PRKG1: variants seen among roughly 807,000 people sequenced by gnomAD.
The protein encoded by PRKG1 is cGMP-dependent protein kinase 1.
PRKG1 carries 35 observed loss-of-function variants against 88.1 expected under a neutral mutation model. That is an observed-to-expected ratio of 0.40 (90% CI 0.30 to 0.53). The LOEUF (loss-of-function observed/expected upper bound fraction) is 0.53. Among genes scored for constraint, PRKG1 ranks in the 20% least tolerant of loss-of-function variants. The probability of loss-of-function intolerance (pLI) is 0.59; values close to 1 mark genes in which losing one functional copy is unlikely to be tolerated. For missense variants in PRKG1, 540 were observed against 839.8 expected (o/e 0.64, Z 4.41); for synonymous variants, 303 against 292.5 (o/e 1.04, Z -0.37).
At chr10:51,273,442 G>A (rs543968070) in intron 2 of PRKG1, among the ~76,000 whole-genome samples, 1 of 152,074 alleles carries the variant, frequency 6.6e-6, no homozygotes, top group African/African-American at 2.4e-5. Flanking sequence ...GAGGATCGCT[G>A]GAGTCCAGGA....
At chr10:51,253,485 A>C (rs16915901) in intron 2 of PRKG1, among the ~76,000 whole-genome samples, 24 of 151,998 alleles carry the variant, frequency 1.6e-4, no homozygotes, top group African/African-American at 5.3e-4. Context: ...CAAGGTATCC[A>C]GTCTGATTTT....
At chr10:52,010,569 C>T (rs1344923968) in intron 5 of PRKG1, among the ~76,000 whole-genome samples, 3 of 152,056 alleles carry the variant, frequency 2.0e-5, no homozygotes, top group African/African-American at 7.2e-5. Context: ...TCATGTAATA[C>T]ACCCATGTAA....
chr10:51,714,057 G>A (rs1273294474), intron 3 of PRKG1, among the ~76,000 whole-genome samples: 5 of 151,918 alleles, frequency 3.3e-5, no homozygotes, highest in East Asian at 1.9e-4. Flanking sequence ...TCGGCTCACC[G>A]CAAGCTCCGC....
At chr10:51,598,196 A>G (rs771231156) in intron 3 of PRKG1, among the ~76,000 whole-genome samples, 3 of 152,076 alleles carry the variant, frequency 2.0e-5, no homozygotes, top group Non-Finnish European at 4.4e-5. Context: ...ATCTACTAGC[A>G]TCTAAAGACT....
chr10:51,484,243 G>A (rs1303055187), intron 3 of PRKG1, among the ~76,000 whole-genome samples: 1 of 152,006 alleles, frequency 6.6e-6, no homozygotes, highest in Non-Finnish European at 1.5e-5. Flanking sequence ...TATCAAGCCC[G>A]TGTCCCTTTA....
At chr10:52,153,870 T>C (rs1473864624) in intron 8 of PRKG1, among the ~76,000 whole-genome samples, 1 of 152,020 alleles carries the variant, frequency 6.6e-6, no homozygotes, top group East Asian at 1.9e-4. Flanking sequence ...CTCAGCCTCC[T>C]GAGTAGCTGG....
At chr10:51,765,866 A>G (rs1267838764) in intron 3 of PRKG1, among the ~76,000 whole-genome samples, 1 of 147,588 alleles carries the variant, frequency 6.8e-6, no homozygotes, top group African/African-American at 2.5e-5. Context: ...TCAGGCGGCC[A>G]TAAAAATATC....
At chr10:51,177,996 G>T (rs1343230118) in intron 2 of PRKG1, among the ~76,000 whole-genome samples, 1 of 151,966 alleles carries the variant, frequency 6.6e-6, no homozygotes, top group East Asian at 1.9e-4. Flanking sequence ...GCTTTAAAAT[G>T]CAAGTTTAAA....
intron 3 of PRKG1, among the ~76,000 whole-genome samples, chr10:51,724,518 A>G (rs996867765): frequency 1.3e-5 from 2 of 152,128 alleles, no homozygotes; most frequent in Non-Finnish European, 2.9e-5. Flanking sequence ...AAAATTCTAG[A>G]ACTTATTTAC....
intron 4 of PRKG1, among the ~76,000 whole-genome samples, chr10:51,851,110 A>C (rs554600479): frequency 6.6e-6 from 1 of 152,180 alleles, no homozygotes; most frequent in Non-Finnish European, 1.5e-5. Flanking sequence ...ATTATGGAAT[A>C]CTATGCAGCT....
intron 5 of PRKG1, among the ~76,000 whole-genome samples, chr10:51,990,812 A>T (rs1844285980): frequency 6.6e-6 from 1 of 152,010 alleles, no homozygotes; most frequent in Non-Finnish European, 1.5e-5. Context: ...AAGTGAGAAC[A>T]TATATTTGGT....
At chr10:51,144,382 T>C (rs1482224173) in intron 1 of PRKG1, among the ~76,000 whole-genome samples, 1 of 152,110 alleles carries the variant, frequency 6.6e-6, no homozygotes, top group Non-Finnish European at 1.5e-5. Flanking sequence ...ATTTATGTAA[T>C]TCTCTGAGTT....
At chr10:51,518,025 G>A (rs1316826659) in intron 3 of PRKG1, among the ~76,000 whole-genome samples, 4 of 152,152 alleles carry the variant, frequency 2.6e-5, no homozygotes, top group Non-Finnish European at 4.4e-5. Context: ...TTGAGACAAA[G>A]TCTTACTCTG....
At chr10:52,024,402 C>A (rs970503081) in intron 5 of PRKG1, among the ~76,000 whole-genome samples, 3 of 151,448 alleles carry the variant, frequency 2.0e-5, no homozygotes, top group African/African-American at 7.3e-5. Context: ...CATGTGTATA[C>A]ATGTGCCGTG....
At chr10:52,256,103 A>G (rs1343035753) in intron 10 of PRKG1, among the ~76,000 whole-genome samples, 2 of 138,880 alleles carry the variant, frequency 1.4e-5, no homozygotes, top group Non-Finnish European at 3.3e-5. Flanking sequence ...TTTTTCTGCC[A>G]TTCTGGGTTT....
chr10:51,670,361 A>G lies in PRKG1; in HGVS notation c.593-134224A>G, dbSNP rs186591092. Among the ~76,000 whole-genome samples the G allele has an allele frequency of 8.6e-5, 13 of 151,442 alleles. No individual in the cohort carries two copies. In the East Asian group the frequency reaches 2.5e-3, roughly 29 times the overall value. ...CTTTTTCTCTAATTATGTTCATTTTATTTCTATTTTTATTATTTATATTTC... is the reference window on the plus strand; with the variant it reads ...CTTTTTCTCTAATTATGTTCATTTTGTTTCTATTTTTATTATTTATATTTC... On this transcript the variant is annotated intron_variant, in intron 3 of 17. Coordinates refer to ENST00000373980, the MANE Select transcript of PRKG1 (RefSeq NM_006258.4).
At chr10:51,046,649 AG>A (rs1436209259) in intron 1 of PRKG1, among the ~76,000 whole-genome samples, 1 of 152,198 alleles carries the variant, frequency 6.6e-6, no homozygotes, top group African/African-American at 2.4e-5. Context: ...CTACACATCG[AG>A]GGACTGTCAG....
chr10:51,832,676 C>T (rs1211862808), intron 4 of PRKG1, among the ~76,000 whole-genome samples: 2 of 152,096 alleles, frequency 1.3e-5, no homozygotes, highest in African/African-American at 4.8e-5. Context: ...TGTGCATGTG[C>T]TTGAGAACAT....
intron 7 of PRKG1, among the ~76,000 whole-genome samples, chr10:52,077,996 G>T (rs1846674210): frequency 6.6e-6 from 1 of 152,150 alleles, no homozygotes; most frequent in Non-Finnish European, 1.5e-5. Context: ...GATGACAGTT[G>T]TCTGCCGCCC....
Sources: gnomAD v4.1 joint callset for allele counts (sites outside exome capture counted in the v4.1 genomes callset) on GRCh38, gnomAD v4.1.1 for gene constraint, MANE v1.5 for transcripts, NCBI Gene and HGNC (gene_info 2026-07-23, HGNC 2026-07-21) for gene names.